ACOXL: variants seen among roughly 807,000 people sequenced by gnomAD.
ACOXL encodes the protein acyl-CoA oxidase like.
In ACOXL, 70 loss-of-function variants were observed where a neutral mutation model predicts 71.9. The ratio of observed to expected loss-of-function variants is 0.97; its 90% CI spans 0.80 to 1.19. The LOEUF is 1.19. Ranked by LOEUF, ACOXL falls within the 50% of genes most tolerant of loss-of-function variation. The pLI, the probability that ACOXL is intolerant of heterozygous loss-of-function variation, is 0.00. For synonymous variants in ACOXL, 253 were observed against 281.6 expected (o/e 0.90, Z 1.02); for missense variants, 703 against 736.3 (o/e 0.95, Z 0.52).
intron 12 of ACOXL, among the ~76,000 whole-genome samples, chr2:110,957,774 G>A (rs1317866400): frequency 6.6e-6 from 1 of 152,120 alleles, no homozygotes; most frequent in Admixed American, 6.5e-5. Flanking sequence ...ATTTTGTGGG[G>A]GACCAGGGGT....
At chr2:110,787,983 A>G (rs1684194914) in intron 3 of ACOXL, among the ~76,000 whole-genome samples, 2 of 152,218 alleles carry the variant, frequency 1.3e-5, no homozygotes, top group South Asian at 4.1e-4. Flanking sequence ...ACAAGAGGGA[A>G]AACTCCTTGA....
At chr2:111,023,631 G>A (rs910445181) in intron 14 of ACOXL, among the ~76,000 whole-genome samples, 1 of 152,136 alleles carries the variant, frequency 6.6e-6, no homozygotes, top group African/African-American at 2.4e-5. Context: ...AGGTGGTCCT[G>A]GGTATGGAGC....
chr2:111,054,150 A>G (rs984050921), intron 16 of ACOXL, among the ~76,000 whole-genome samples: 4 of 152,224 alleles, frequency 2.6e-5, no homozygotes, highest in Admixed American at 6.5e-5. Context: ...AGGCCTGTCT[A>G]TAGGTGGATC....
chr2:110,763,004 T>C (rs1680599297), intron 1 of ACOXL, among the ~76,000 whole-genome samples: 1 of 152,184 alleles, frequency 6.6e-6, no homozygotes, highest in South Asian at 2.1e-4. Flanking sequence ...CCACATCAGA[T>C]GGTTTTATAA....
At chr2:110,996,846 G>A (rs947157322) in intron 14 of ACOXL, among the ~76,000 whole-genome samples, 4 of 152,166 alleles carry the variant, frequency 2.6e-5, no homozygotes, top group Non-Finnish European at 5.9e-5. Context: ...GAAATGCTTT[G>A]GAAACAGAAG....
chr2:110,807,861 C>T (rs1052525678), intron 9 of ACOXL, among the ~76,000 whole-genome samples: 3 of 152,202 alleles, frequency 2.0e-5, no homozygotes, highest in African/African-American at 4.8e-5. Flanking sequence ...GTTTCTCCTA[C>T]GTGCGTTCCT....
chr2:110,866,066 T>A (rs1293726019), intron 10 of ACOXL, among the ~76,000 whole-genome samples: 1 of 152,156 alleles, frequency 6.6e-6, no homozygotes, highest in Non-Finnish European at 1.5e-5. Flanking sequence ...AAAGGAAGAA[T>A]GATTCGGAAG....
At chr2:111,033,815 C>T (rs988806117) in intron 15 of ACOXL, among the ~76,000 whole-genome samples, 1 of 152,106 alleles carries the variant, frequency 6.6e-6, no homozygotes, top group Non-Finnish European at 1.5e-5. Context: ...GGCCCTGGCT[C>T]CTCCCTCTGG....
chr2:110,795,658 T>G (rs1440794800), intron 5 of ACOXL: 1 of 152,192 alleles, frequency 6.6e-6, no homozygotes, highest in East Asian at 1.9e-4. Context: ...ATGAGTGAGT[T>G]AGGTTCGGGT....
intron 1 of ACOXL, among the ~76,000 whole-genome samples, chr2:110,750,499 A>G (rs2104792990): frequency 6.6e-6 from 1 of 151,630 alleles, no homozygotes; most frequent in African/African-American, 2.4e-5. Flanking sequence ...TTTGTGCACA[A>G]AGTTCTTACT....
At position 110,933,636 on chromosome 2, in the gene ACOXL, A is replaced by C; in HGVS notation, c.1053A>C (p.Gly351=). 6.2e-7 allele frequency: 1 copy of C among 1,610,444 alleles called. No homozygotes were observed. Among genetic ancestry groups the C allele is most frequent in the Non-Finnish European group, 8.5e-7 (1 of 1,178,730 alleles). ...RCLQDCRECT[G]GMVVGRELLA... ...TGCAGGACTGCCGCGAGTGCACTGG[A>C]GGCATGGTGAGCCCCAAGGCCTGCA... is the stretch of plus-strand genomic sequence containing the variant. The change falls in exon 12 of 18, where the codon GGA becomes GGC. Residue 351 remains glycine, a synonymous_variant. Transcript: ENST00000439055.
At chr2:110,993,154 A>C (rs780710208) in intron 13 of ACOXL, among the ~76,000 whole-genome samples, 2 of 152,232 alleles carry the variant, frequency 1.3e-5, no homozygotes, top group Admixed American at 6.5e-5. Flanking sequence ...AGTTCTTCTT[A>C]TGTTGAATTT....
At chr2:110,998,881 A>G (rs570066295) in intron 14 of ACOXL, among the ~76,000 whole-genome samples, 127 of 152,360 alleles carry the variant, frequency 8.3e-4, no homozygotes, top group Admixed American at 1.1e-3. Context: ...TAGATTACAC[A>G]TTGTGTATAG....
chr2:110,970,358 T>C (rs2062130007), intron 12 of ACOXL, among the ~76,000 whole-genome samples: 1 of 152,156 alleles, frequency 6.6e-6, no homozygotes, highest in South Asian at 2.1e-4. Flanking sequence ...TCAAATGCAA[T>C]CCACCACATC....
intron 15 of ACOXL, among the ~76,000 whole-genome samples, chr2:111,046,806 A>G (rs768375221): frequency 2.0e-5 from 3 of 152,152 alleles, no homozygotes; most frequent in Non-Finnish European, 2.9e-5. Context: ...GAGGGAGTGC[A>G]TGGCCCAAGA....
chr2:110,850,661 A>G (rs951180070), intron 10 of ACOXL, among the ~76,000 whole-genome samples: 2 of 152,332 alleles, frequency 1.3e-5, no homozygotes, highest in Admixed American at 6.5e-5. Context: ...AACCACGCTG[A>G]TAATATGAAG....
chr2:111,054,849 C>T lies in ACOXL; in HGVS notation c.1440+5561C>T, dbSNP rs534772254. 4.9e-4 allele frequency among the ~76,000 whole-genome samples: 74 copies of T among 152,280 alleles called. No individual in the cohort carries two copies. The Middle Eastern group carries it at 0.01, about 21-fold the overall frequency. The stretch of plus-strand genomic sequence containing the variant: ...CCAGGCGAAGGCATTTTCCCCTAGC[C>T]TGATGGAATCCTGTCCAGAATGAGG... On this transcript the variant is annotated intron_variant, in intron 16 of 17. Coordinates refer to ENST00000439055, the MANE Select transcript of ACOXL (RefSeq NM_001142807.4).
chr2:110,764,331 TA>T (rs879441490), intron 1 of ACOXL, among the ~76,000 whole-genome samples: 13 of 150,836 alleles, frequency 8.6e-5, no homozygotes, highest in East Asian at 1.9e-4. Context: ...TATTTAGTGC[TA>T]AAAAAAAATG....
At chr2:110,762,264 A>G (rs1680502554) in intron 1 of ACOXL, among the ~76,000 whole-genome samples, 1 of 152,180 alleles carries the variant, frequency 6.6e-6, no homozygotes, top group Admixed American at 6.5e-5. Context: ...TGCAGATAGC[A>G]TATTTTTAGA....
Sources: allele counts gnomAD v4.1 joint callset (sites outside exome capture counted in the v4.1 genomes callset), GRCh38; gene constraint gnomAD v4.1.1; transcripts MANE v1.5; gene names NCBI Gene and HGNC (gene_info 2026-07-23, HGNC 2026-07-21).